The following ICAM3 variants were observed in gnomAD, a reference collection of about 807,000 sequenced individuals.
ICAM3 encodes the protein intercellular adhesion molecule 3.
In ICAM3, 54 loss-of-function variants were observed where a neutral mutation model predicts 43.6. The ratio of observed to expected loss-of-function variants is 1.24; its 90% CI spans 0.99 to 1.55. The LOEUF (loss-of-function observed/expected upper bound fraction) is 1.55, where lower values mean the gene tolerates loss of function less well. ICAM3 is among the 40% of genes most tolerant of loss of function. ICAM3 has a pLI of 0.00. For synonymous variants in ICAM3, 306 were observed against 312.6 expected, an observed-to-expected ratio of 0.98 and a Z score of 0.22; for missense variants, 715 against 717.9, an observed-to-expected ratio of 1.00 and a Z score of 0.05.
intron 2 of ICAM3, among the ~76,000 whole-genome samples, chr19:10,337,685 G>T (rs541282387): frequency 6.6e-6 from 1 of 152,208 alleles, no homozygotes; most frequent in Admixed American, 6.5e-5. Context: ...GTGCAGTGGT[G>T]CAATTATAGC....
At position 10,334,285 on chromosome 19, in the gene ICAM3, C is replaced by G. The variant is rs117814624; in HGVS notation, c.1316G>C (p.Gly439Ala). 1 of 1,614,216 alleles carries G rather than the reference C, an allele frequency of 6.2e-7. No individual in the cohort carries two copies. Among genetic ancestry groups the G allele is most frequent in the East Asian group, 2.2e-5 (1 of 44,892 alleles). The change falls in exon 6 of 7, where the codon GGC becomes GCC. Residue 439 changes from glycine (G) to alanine (A), a missense_variant. Gly to Ala is a moderately conservative substitution (Grantham distance 60, BLOSUM62 0). Coordinates refer to ENST00000160262, the MANE Select transcript of ICAM3 (RefSeq NM_002162.5). The surrounding 1 kb of genome is among the most constrained non-coding windows in gnomAD (Gnocchi z 5.5). ...PYPELRCLKE[G>A]SSREVPVGIP... ...CCCCACCGGCACCTCCCGGCTGGAG[C>G]CTTCCTTCAAACACCGCAGCTCGGG...
At position 10,335,306 on chromosome 19, in the gene ICAM3, C is replaced by T. The variant is rs371332254; in HGVS notation, c.697G>A (p.Val233Met). The T allele has an allele frequency of 1.4e-5, 23 of 1,612,278 alleles. No homozygotes were observed. The highest frequency in any genetic ancestry group is 1.9e-5 in the Non-Finnish European group (23 of 1,179,828). ...PRLVAPRFLEVETSWPVDCTL... is the reference protein window; with the variant it reads ...PRLVAPRFLEMETSWPVDCTL... The stretch of plus-strand genomic sequence containing the variant: ...CAGTCCACCGGCCACGACGTTTCCA[C>T]CTCCAAGAACCGGGGGGCCACGAGG... The change falls in exon 4 of 7, where the codon GTG becomes ATG. Residue 233 changes from valine (V) to methionine (M), a missense_variant. Coordinates refer to ENST00000160262, the MANE Select transcript of ICAM3 (RefSeq NM_002162.5).
intron 1 of ICAM3, 136 bp from the exon 2 acceptor site, chr19:10,339,084 T>C (rs756386703): frequency 2.2e-6 from 2 of 915,066 alleles, no homozygotes; most frequent in Non-Finnish European, 3.3e-6. Context: ...GTGGGAAAGG[T>C]AGAATCCATC....
chr19:10,337,543 G>A (rs935396018), intron 2 of ICAM3, among the ~76,000 whole-genome samples: 1 of 151,806 alleles, frequency 6.6e-6, no homozygotes, highest in African/African-American at 2.4e-5. Context: ...GGCAACATAG[G>A]GAGATCCTGT....
Position 10,334,017 on chromosome 19 carries a change from A to G in ICAM3, c.1484T>C (p.Leu495Pro). 6.2e-7 allele frequency: 1 copy of G among 1,614,142 alleles called. No homozygotes were observed. The highest frequency in any genetic ancestry group is 8.5e-7 in the Non-Finnish European group (1 of 1,180,014). ...HFVPVFVAVL[L>P]TLGVVTIVLA... is the part of the protein sequence containing the mutation. ...TACGATAGTCACCACGCCCAGGGTC[A>G]GTAACACCGCCACGAAGACGGGGAC... The change falls in exon 7 of 7, where the codon CTG becomes CCG. Residue 495 changes from leucine (L) to proline (P), a missense_variant. Coordinates refer to ENST00000160262, the MANE Select transcript of ICAM3 (RefSeq NM_002162.5). The surrounding 1 kb of genome is among the most constrained non-coding windows in gnomAD (Gnocchi z 5.5).
Position 10,334,411 on chromosome 19 carries a change from G to T in ICAM3, c.1193-3C>A. 1 of 1,614,060 alleles carries T rather than the reference G, an allele frequency of 6.2e-7. No homozygotes were observed. Among genetic ancestry groups the T allele is most frequent in the South Asian group, 1.1e-5 (1 of 91,080 alleles). ...GGCTCGGTCAATTTTGGGACCATCT[G>T]TGGAACCACCATGTGTGATCAGACA... is the stretch of plus-strand genomic sequence containing the variant. On this transcript the variant is annotated splice_polypyrimidine_tract_variant and splice_region_variant and intron_variant, in intron 5 of 6. Transcript: ENST00000160262. The surrounding 1 kb of genome is among the most constrained non-coding windows in gnomAD (Gnocchi z 5.5).
At position 10,334,978 on chromosome 19, in the gene ICAM3, C is replaced by A. The variant is rs1447321686; in HGVS notation, c.937+88G>T. On this transcript the variant is annotated intron_variant, in intron 4 of 6. Transcript: ENST00000160262. The surrounding 1 kb of genome is among the most constrained non-coding windows in gnomAD (Gnocchi z 5.5). Reference sequence around the variant, plus strand: ...CGTTGCAACTGCTATTGGGGCAAGCCAGGCCCCACCTTTTCGGCTAGTCTC... The same window carrying A: ...CGTTGCAACTGCTATTGGGGCAAGCAAGGCCCCACCTTTTCGGCTAGTCTC... The A allele has an allele frequency of 3.3e-5, 51 of 1,531,830 alleles. No individual in the cohort carries two copies. Among genetic ancestry groups the A allele is most frequent in the Non-Finnish European group, 4.3e-5 (49 of 1,132,744 alleles). The allele number at this position is 1,531,830 out of a possible 1,614,324, so 94.9% of individuals were successfully genotyped here.
Position 10,334,994 on chromosome 19 carries a change from GGCTAGTCTC to G in ICAM3, c.937+63_937+71del, listed in dbSNP as rs1477085316. The G allele has an allele frequency of 3.2e-6, 5 of 1,546,228 alleles. No homozygotes were observed. In the African/African-American group the frequency reaches 6.8e-5, roughly 21 times the overall value. On this transcript the variant is annotated intron_variant, in intron 4 of 6. Transcript: ENST00000160262. This position sits in a 1 kb window ranked among gnomAD's most constrained non-coding sequence, Gnocchi z 5.5. Reference sequence around the variant, plus strand: ...GGGGCAAGCCAGGCCCCACCTTTTCGGCTAGTCTCCGCCCCCTCTGCCACGCCCCCAGAC... The same window carrying G: ...GGGGCAAGCCAGGCCCCACCTTTTCGCGCCCCCTCTGCCACGCCCCCAGAC...
chr19:10,335,332 C>G lies in ICAM3; in HGVS notation c.671G>C (p.Arg224Pro). 3 of 1,609,664 alleles carry G rather than the reference C, an allele frequency of 1.9e-6. No individual in the cohort carries two copies. Among genetic ancestry groups the G allele is most frequent in the South Asian group, 2.2e-5 (2 of 91,006 alleles). ...CTCCAAGAACCGGGGGGCCACGAGG[C>G]GCGGGGGGGTCACGGGCAGGACTGG... ...RTFVLPVTPP[R>P]LVAPRFLEVE... The change falls in exon 4 of 7, where the codon CGC (arginine) becomes CCC (proline). Residue 224 changes from arginine (R) to proline (P), a missense_variant. Transcript: ENST00000160262.
intron 1 of ICAM3, chr19:10,339,244 T>A: frequency 1.7e-6 from 1 of 581,078 alleles, no homozygotes; most frequent in Middle Eastern, 4.5e-4. Flanking sequence ...GGACAGGTGA[T>A]CCTGGCAGAG....
At position 10,339,559 on chromosome 19, in the gene ICAM3, A is replaced by G. The variant is rs1195740593; in HGVS notation, c.56T>C (p.Val19Ala). ...LWPRACWTLL[V>A]CCLLTPGVQG... ...CTCACCTGGGGTCAGCAGACAGCAG[A>G]CCAGCAGAGTCCAGCAGGCCCTGGG... Residue 19 changes from valine (V) to alanine (A), a missense_variant, in exon 1 of 7, where the codon GTC becomes GCC. Physicochemically the swap from Val to Ala is moderately conservative, Grantham distance 64. Coordinates refer to ENST00000160262, the MANE Select transcript of ICAM3 (RefSeq NM_002162.5). 1 of 1,614,028 alleles carries G rather than the reference A, an allele frequency of 6.2e-7. No individual in the cohort carries two copies. The highest frequency in any genetic ancestry group is 1.7e-5 in the Admixed American group (1 of 60,018).
Position 10,333,953 on chromosome 19 carries a change from G to T in ICAM3, c.1548C>A (p.Ser516Arg). Residue 516 changes from serine (S) to arginine (R), a missense_variant, in exon 7 of 7, where the codon AGC becomes AGA. Ser to Arg is a moderately radical substitution (Grantham distance 110). Transcript: ENST00000160262. This position sits in a 1 kb window ranked among gnomAD's most constrained non-coding sequence, Gnocchi z 4.2. ...TCTCCTCCCTAACATGGTAACTGCC[G>T]CTCCGTTGGTGCTCCCTGAAGACGT... ...LMYVFREHQRSGSYHVREEST... is the reference protein window; with the variant it reads ...LMYVFREHQRRGSYHVREEST... 1 of 1,614,090 alleles carries T rather than the reference G, an allele frequency of 6.2e-7. No individual in the cohort carries two copies. Among genetic ancestry groups the T allele is most frequent in the Non-Finnish European group, 8.5e-7 (1 of 1,180,012 alleles).
In ICAM3 at chr19:10,334,889, C is replaced by T; in HGVS notation, c.938-107G>A. ...TCTCGGGATATCCGGGCCACGCTTT[C>T]GGCCGTTCAAGCCTCGCCCTCTTTC... On this transcript the variant is annotated intron_variant, in intron 4 of 6. Coordinates refer to ENST00000160262, the MANE Select transcript of ICAM3 (RefSeq NM_002162.5). The surrounding 1 kb of genome is among the most constrained non-coding windows in gnomAD (Gnocchi z 5.5). The T allele has an allele frequency of 2.0e-6, 3 of 1,470,042 alleles. No individual in the cohort carries two copies. The highest frequency in any genetic ancestry group is 2.3e-5 in the Admixed American group (1 of 43,032). The allele number at this position is 1,470,042 out of a possible 1,614,324, so 91.1% of individuals were successfully genotyped here.
chr19:10,334,057 C>CACCA lies in ICAM3; in HGVS notation c.1443_1444insTGGT (p.Gly482TrpfsTer42). 6.2e-7 allele frequency: 1 copy of CACCA among 1,614,008 alleles called. No homozygotes were observed. ...AAGACGGGGACAAAGTGGGAGCTCC[C>CACCA]AGCTGTGCAGAGAAAGCGCTAAGTC... is the stretch of plus-strand genomic sequence containing the variant. On this transcript the variant is annotated frameshift_variant and splice_region_variant, in exon 7 of 7. Transcript: ENST00000160262. LOFTEE classifies it low-confidence loss of function (END_TRUNC). The surrounding 1 kb of genome is among the most constrained non-coding windows in gnomAD (Gnocchi z 5.5).
In ICAM3 at chr19:10,334,889, C is replaced by CTCGGGATATCCG. The variant is rs1356411719; in HGVS notation, c.938-108_938-107insCGGATATCCCGA. ...TCTCGGGATATCCGGGCCACGCTTT[C>CTCGGGATATCCG]GGCCGTTCAAGCCTCGCCCTCTTTC... is the stretch of plus-strand genomic sequence containing the variant. On this transcript the variant is annotated intron_variant, in intron 4 of 6. Transcript: ENST00000160262. The surrounding 1 kb of genome is among the most constrained non-coding windows in gnomAD (Gnocchi z 5.5). 2 of 1,469,924 alleles carry CTCGGGATATCCG rather than the reference C, an allele frequency of 1.4e-6. No homozygotes were observed. Among genetic ancestry groups the CTCGGGATATCCG allele is most frequent in the Admixed American group, 4.6e-5 (2 of 43,012 alleles). The allele number at this position is 1,469,924 out of a possible 1,614,324, so 91.1% of individuals were successfully genotyped here.
At chr19:10,338,045 C>T (rs917367883) in intron 2 of ICAM3, among the ~76,000 whole-genome samples, 1 of 148,248 alleles carries the variant, frequency 6.7e-6, no homozygotes, top group Non-Finnish European at 1.5e-5. Context: ...CGCAGTGAGC[C>T]GAGATTGCAC....
intron 2 of ICAM3, among the ~76,000 whole-genome samples, chr19:10,336,558 C>A (rs2040599664): frequency 6.6e-6 from 1 of 152,134 alleles, no homozygotes; most frequent in African/African-American, 2.4e-5. Context: ...GTAATCCCAG[C>A]ACTTTGGGAG....
rs2040551239 is a variant in ICAM3 at position 10,333,979 on chromosome 19, A to C, written c.1522T>G (p.Tyr508Asp). Residue 508 changes from tyrosine to aspartate, a missense_variant, in exon 7 of 7, where the codon TAC becomes GAC. Transcript: ENST00000160262. The surrounding 1 kb of genome is among the most constrained non-coding windows in gnomAD (Gnocchi z 4.2). ...CTCCGTTGGTGCTCCCTGAAGACGT[A>C]CATTAAGGCCAGTACGATAGTCACC... ...GVVTIVLALM[Y>D]VFREHQRSGS... 9.9e-6 allele frequency: 16 copies of C among 1,614,114 alleles called. No individual in the cohort carries two copies. The highest frequency in any genetic ancestry group is 1.3e-5 in the Non-Finnish European group (15 of 1,180,034).
chr19:10,334,235 G>A lies in ICAM3; in HGVS notation c.1366C>T (p.His456Tyr). ...VGIPFFVNVT[H>Y]NGTYQCQASS... ...GCTTGGCACTGATAAGTACCATTAT[G>A]TGTTACGTTGACGAAGAACGGGATC... Residue 456 changes from histidine (H) to tyrosine (Y), a missense_variant, in exon 6 of 7, where the codon CAT (histidine) becomes TAT (tyrosine). Physicochemically the swap from His to Tyr is moderately conservative, Grantham distance 83. Coordinates refer to ENST00000160262, the MANE Select transcript of ICAM3 (RefSeq NM_002162.5). The surrounding 1 kb of genome is among the most constrained non-coding windows in gnomAD (Gnocchi z 5.5). 6.2e-7 allele frequency: 1 copy of A among 1,614,108 alleles called. No homozygotes were observed. The highest frequency in any genetic ancestry group is 8.5e-7 in the Non-Finnish European group (1 of 1,180,004).
Sources: gnomAD v4.1 joint callset for allele counts (sites outside exome capture counted in the v4.1 genomes callset) on GRCh38, gnomAD v4.1.1 for gene constraint, Gnocchi (gnomAD v3.1) non-coding constraint, MANE v1.5 for transcripts, NCBI Gene and HGNC (gene_info 2026-07-23, HGNC 2026-07-21) for gene names.